Variants in FRYL observed in about 807,000 individuals in gnomAD.
FRYL encodes the protein protein furry homolog-like.
In FRYL, 150 loss-of-function variants were observed where a neutral mutation model predicts 351.2. That is an observed-to-expected ratio of 0.43 (90% CI 0.37 to 0.49). The LOEUF is 0.49. Among genes scored for constraint, FRYL ranks in the 20% least tolerant of loss-of-function variants. FRYL has a pLI of 0.00. For missense variants in FRYL, 3,036 were observed against 3,619.3 expected, an observed-to-expected ratio of 0.84 and a Z score of 4.13; for synonymous variants, 1,153 against 1,257.1, an observed-to-expected ratio of 0.92 and a Z score of 1.75.
At position 48,557,620 on chromosome 4, in the gene FRYL, C is replaced by T. The variant is rs777407691; in HGVS notation, c.3958G>A (p.Asp1320Asn). The change falls in exon 34 of 64, where the codon GAC (aspartate) becomes AAC (asparagine). Residue 1320 changes from aspartate (D) to asparagine (N), a missense_variant. By Grantham distance (23) the Asp-to-Asn change is conservative. Coordinates refer to ENST00000358350, the MANE Select transcript of FRYL (RefSeq NM_015030.2). ...LPWMNNIELVDLKPLPTARRH... is the reference protein window; with the variant it reads ...LPWMNNIELVNLKPLPTARRH... ...CTTGCTGTGGGGAGAGGTTTTAAGT[C>T]CACCAGCTCGATGTTGTTCATCCAT... 110 of 1,614,036 alleles carry T rather than the reference C, an allele frequency of 6.8e-5. No homozygotes were observed. Among genetic ancestry groups the T allele is most frequent in the Non-Finnish European group, 9.2e-5 (108 of 1,180,038 alleles).
intron 18 of FRYL, among the ~76,000 whole-genome samples, 166 bp from the exon 19 acceptor site, chr4:48,586,894 T>C (rs1742208947): frequency 6.6e-6 from 1 of 152,072 alleles, no homozygotes; most frequent in Non-Finnish European, 1.5e-5. Flanking sequence ...AGCCTATATA[T>C]GGATAAAAGA....
chr4:48,500,013 A>G lies in FRYL; in HGVS notation c.8783+17T>C. On this transcript the variant is annotated intron_variant, in intron 63 of 63. Coordinates refer to ENST00000358350, the MANE Select transcript of FRYL (RefSeq NM_015030.2). ...TCTAATTTAAAGGCATCACCTTTAAATCCCGTCACGTTTTACCTGAAAGCT... is the reference window on the plus strand; with the variant it reads ...TCTAATTTAAAGGCATCACCTTTAAGTCCCGTCACGTTTTACCTGAAAGCT... 6.5e-7 allele frequency: 1 copy of G among 1,542,342 alleles called. No individual in the cohort carries two copies. The highest frequency in any genetic ancestry group is 8.7e-7 in the Non-Finnish European group (1 of 1,143,098).
chr4:48,762,941 T>A (rs1560369769), intron 1 of FRYL, among the ~76,000 whole-genome samples: 1 of 152,028 alleles, frequency 6.6e-6, no homozygotes, highest in Non-Finnish European at 1.5e-5. Flanking sequence ...AAAGCATGGT[T>A]CTAGGAAAAG....
At chr4:48,608,939 C>T (rs1747441148) in intron 9 of FRYL, 48 bp downstream of exon 9, 9 of 1,115,162 alleles carry the variant, frequency 8.1e-6, no homozygotes, top group Non-Finnish European at 1.2e-5. Context: ...GGTAATGAAG[C>T]ATTCTAAAAT....
intron 1 of FRYL, among the ~76,000 whole-genome samples, chr4:48,713,827 A>G (rs953069620): frequency 1.3e-5 from 2 of 152,218 alleles, no homozygotes; most frequent in African/African-American, 4.8e-5. Flanking sequence ...CATTTTTTTC[A>G]GCACCACACC....
chr4:48,554,123 G>A (rs1474270505), intron 35 of FRYL, among the ~76,000 whole-genome samples: 3 of 152,074 alleles, frequency 2.0e-5, no homozygotes, highest in Non-Finnish European at 4.4e-5. Context: ...TAACTGATCA[G>A]CCTATCTCTT....
intron 49 of FRYL, among the ~76,000 whole-genome samples, chr4:48,532,396 G>A (rs1422516781): frequency 6.6e-6 from 1 of 152,168 alleles, no homozygotes; most frequent in Non-Finnish European, 1.5e-5. Context: ...AATGGCTCAC[G>A]CCTGTAATCC....
chr4:48,702,261 G>T (rs1343504805), intron 2 of FRYL, among the ~76,000 whole-genome samples: 11 of 150,474 alleles, frequency 7.3e-5, no homozygotes, highest in Admixed American at 4.6e-4. Context: ...TTCGAGACCA[G>T]CCTGGCCAAC....
chr4:48,700,178 T>C (rs774895339), intron 2 of FRYL, among the ~76,000 whole-genome samples: 1 of 152,212 alleles, frequency 6.6e-6, no homozygotes, highest in Non-Finnish European at 1.5e-5. Context: ...AAAGTTCTAA[T>C]ACGGTACAAA....
intron 28 of FRYL, among the ~76,000 whole-genome samples, chr4:48,566,814 ACT>A (rs1331735287): frequency 6.6e-6 from 1 of 152,214 alleles, no homozygotes; most frequent in Admixed American, 6.5e-5. Flanking sequence ...TATAGACCCT[ACT>A]CAATAATTGG....
rs183962757 is a variant in FRYL at position 48,737,892 on chromosome 4, C to T, written c.-383-27194G>A. Among the ~76,000 whole-genome samples, 215 of 152,242 alleles carry T rather than the reference C, an allele frequency of 1.4e-3. 1 individual carries two copies. Among genetic ancestry groups the T allele is most frequent in the African/African-American group, 4.6e-3 (191 of 41,546 alleles). On this transcript the variant is annotated intron_variant, in intron 1 of 63. Transcript: ENST00000358350. ...ATCATATAAATAGATGCAGAATAAGCATCTGACAAAATACAACACTCATTC... is the reference window on the plus strand; with the variant it reads ...ATCATATAAATAGATGCAGAATAAGTATCTGACAAAATACAACACTCATTC...
intron 55 of FRYL, chr4:48,520,589 A>C (rs1191538175): frequency 6.6e-6 from 1 of 152,392 alleles, no homozygotes; most frequent in Admixed American, 6.5e-5. Flanking sequence ...AAAAAACATA[A>C]TACTAGTGGT....
chr4:48,506,756 A>G (rs1040535540), intron 59 of FRYL: 1 of 150,384 alleles, frequency 6.6e-6, no homozygotes, highest in African/African-American at 2.5e-5. Flanking sequence ...AACATTCTCT[A>G]TTGTAGCTTA....
chr4:48,691,759 C>T (rs904918883), intron 2 of FRYL, among the ~76,000 whole-genome samples: 1 of 152,142 alleles, frequency 6.6e-6, no homozygotes, highest in Non-Finnish European at 1.5e-5. Flanking sequence ...ACTATGAATT[C>T]ATTTTACCAT....
At chr4:48,664,155 C>T (rs1761328040) in intron 3 of FRYL, among the ~76,000 whole-genome samples, 1 of 152,202 alleles carries the variant, frequency 6.6e-6, no homozygotes, top group Non-Finnish European at 1.5e-5. Context: ...CTTCCATTTA[C>T]CTGAAATGAT....
chr4:48,623,947 G>A (rs564353381), intron 4 of FRYL, among the ~76,000 whole-genome samples: 11 of 152,152 alleles, frequency 7.2e-5, no homozygotes, highest in Non-Finnish European at 1.2e-4. Flanking sequence ...GTGTTTACCA[G>A]TGGGGAGAGA....
rs769455333 is a variant in FRYL, at chr4:48,634,503, G to T, written c.-80-13C>A. ...ACTGGCGCTGAAGCTAAAAGTAAAAGAAACAAAAGAACTCTACTTTAATAA... is the reference window on the plus strand; with the variant it reads ...ACTGGCGCTGAAGCTAAAAGTAAAATAAACAAAAGAACTCTACTTTAATAA... On this transcript the variant is annotated splice_polypyrimidine_tract_variant and intron_variant, in intron 3 of 63. Coordinates refer to ENST00000358350, the MANE Select transcript of FRYL (RefSeq NM_015030.2). 1.2e-5 allele frequency: 19 copies of T among 1,597,106 alleles called. No homozygotes were observed. The highest frequency in any genetic ancestry group is 5.1e-5 in the Admixed American group (3 of 59,148).
Position 48,551,491 on chromosome 4 carries a change from T to C in FRYL, c.4520+3A>G. The C allele has an allele frequency of 6.4e-7, 1 of 1,572,492 alleles. No individual in the cohort carries two copies. Among genetic ancestry groups the C allele is most frequent in the Non-Finnish European group, 8.7e-7 (1 of 1,143,716 alleles). ...GGCTAATACAGAACAGAGAAGTACT[T>C]ACCTCTCTTCAATATTCTCTTTAAT... On this transcript the variant is annotated splice_donor_region_variant and intron_variant, in intron 37 of 63. Coordinates refer to ENST00000358350, the MANE Select transcript of FRYL (RefSeq NM_015030.2).
chr4:48,733,066 A>G (rs1770913448), intron 1 of FRYL, among the ~76,000 whole-genome samples: 1 of 152,014 alleles, frequency 6.6e-6, no homozygotes, highest in South Asian at 2.1e-4. Flanking sequence ...ACCTGAGATC[A>G]GGAGTTCGAG....
Sources: gnomAD v4.1 joint callset for allele counts (sites outside exome capture counted in the v4.1 genomes callset) on GRCh38, gnomAD v4.1.1 for gene constraint, MANE v1.5 for transcripts, NCBI Gene and HGNC (gene_info 2026-07-23, HGNC 2026-07-21) for gene names.